DZANK1: variants seen among roughly 807,000 people sequenced by gnomAD.
DZANK1 encodes the protein double zinc ribbon and ankyrin repeat domains 1.
A neutral mutation model predicts 94.5 loss-of-function variants in DZANK1; 91 were observed. The ratio of observed to expected loss-of-function variants is 0.96; its 90% confidence interval spans 0.81 to 1.15. The LOEUF (loss-of-function observed/expected upper bound fraction) is 1.15. DZANK1 is among the 50% of genes most tolerant of loss of function. The pLI is 0.00. For synonymous variants in DZANK1, 312 were observed against 325.3 expected (o/e 0.96, Z 0.44); for missense variants, 903 against 916.4 (o/e 0.99, Z 0.19).
At chr20:18,424,819 A>C (rs933753201) in intron 10 of DZANK1, among the ~76,000 whole-genome samples, 1 of 152,230 alleles carries the variant, frequency 6.6e-6, no homozygotes, top group Non-Finnish European at 1.5e-5. Flanking sequence ...CCTGTGGATG[A>C]ATCAACCAGT....
intron 17 of DZANK1, among the ~76,000 whole-genome samples, chr20:18,391,081 C>T (rs1568872303): frequency 6.6e-6 from 1 of 152,138 alleles, no homozygotes; most frequent in Non-Finnish European, 1.5e-5. Flanking sequence ...ATCCCAGCTA[C>T]TTGGGAGGCT....
In DZANK1 at chr20:18,415,458, T is replaced by G. The variant is rs778562049; in HGVS notation, c.955-9A>C. 3 of 1,488,278 alleles carry G rather than the reference T, an allele frequency of 2.0e-6. No homozygotes were observed. The African/African-American group carries it at 4.3e-5, about 21-fold the overall frequency. The allele number at this position is 1,488,278 out of a possible 1,614,324, so 92.2% of individuals were successfully genotyped here. The stretch of plus-strand genomic sequence containing the variant: ...TCCCCACTGCACATCGACTGGTGAA[T>G]GAAATGGCATTTAAAGGCAGGATCA... On this transcript the variant is annotated splice_polypyrimidine_tract_variant and intron_variant, in intron 10 of 20. Transcript: ENST00000262547.
At chr20:18,383,612 A>G (rs762009790) in exon 21 of DZANK1, 2 of 152,164 alleles carry the variant, frequency 1.3e-5, no homozygotes, top group Non-Finnish European at 2.9e-5. Flanking sequence ...AGACATGTTT[A>G]TATGCTATGT....
intron 13 of DZANK1, among the ~76,000 whole-genome samples, chr20:18,402,694 C>G (rs995226046): frequency 3.3e-5 from 5 of 152,224 alleles, no homozygotes; most frequent in African/African-American, 1.2e-4. Flanking sequence ...TGCTCTAAAA[C>G]TTTTCAATAA....
chr20:18,454,018 G>T, intron 4 of DZANK1, 191 bp from the exon 5 acceptor site: 2 of 694,398 alleles, frequency 2.9e-6, no homozygotes, highest in Non-Finnish European at 5.4e-6. Context: ...TGCTCAGCTG[G>T]CAGCACATCT....
intron 7 of DZANK1, among the ~76,000 whole-genome samples, chr20:18,446,734 T>C (rs1026585042): frequency 1.3e-5 from 2 of 152,220 alleles, no homozygotes; most frequent in Admixed American, 6.5e-5. Context: ...GATCTAATCA[T>C]TTCACTTGTG....
At chr20:18,412,885 T>A in intron 12 of DZANK1, 32 bp from the exon 13 acceptor site, 1 of 1,553,696 alleles carries the variant, frequency 6.4e-7, no homozygotes. Flanking sequence ...TTTTTAAAAT[T>A]AGAATATAAT....
chr20:18,452,985 G>A (rs1481643793), intron 5 of DZANK1, among the ~76,000 whole-genome samples: 1 of 152,132 alleles, frequency 6.6e-6, no homozygotes, highest in African/African-American at 2.4e-5. Context: ...ACTTCAGGCT[G>A]GGAAAACAGA....
chr20:18,448,184 A>T (rs1420628020), intron 7 of DZANK1, among the ~76,000 whole-genome samples: 3 of 152,238 alleles, frequency 2.0e-5, no homozygotes, highest in African/African-American at 7.2e-5. Context: ...ATATCCATAC[A>T]ATGGACTGTA....
intron 10 of DZANK1, among the ~76,000 whole-genome samples, chr20:18,417,560 C>T (rs1018001540): frequency 5.3e-5 from 8 of 152,150 alleles, no homozygotes; most frequent in African/African-American, 1.9e-4. Flanking sequence ...TAATAGACAA[C>T]TCTCAACAAA....
chr20:18,395,653 C>T (rs902514630), intron 15 of DZANK1, among the ~76,000 whole-genome samples: 2 of 152,134 alleles, frequency 1.3e-5, no homozygotes, highest in African/African-American at 2.4e-5. Flanking sequence ...AATTCATTCT[C>T]CAGAGTTCCC....
chr20:18,455,603 G>A (rs1033407917), intron 3 of DZANK1, among the ~76,000 whole-genome samples: 70 of 152,160 alleles, frequency 4.6e-4, no homozygotes, highest in Admixed American at 4.4e-3. Flanking sequence ...GTGGATTCAC[G>A]GTCCCCACTG....
At chr20:18,452,590 C>T (rs1249035132) in intron 6 of DZANK1, 25 bp downstream of exon 6, 5 of 1,586,392 alleles carry the variant, frequency 3.2e-6, no homozygotes, top group Non-Finnish European at 3.4e-6. Context: ...ATTTGAATAC[C>T]CTAAAGATTG....
intron 6 of DZANK1, 42 bp from the exon 7 acceptor site, chr20:18,449,111 C>A: frequency 6.7e-7 from 1 of 1,499,878 alleles, no homozygotes; most frequent in South Asian, 1.1e-5. Context: ...GTCATATAGT[C>A]AAAATAACAT....
chr20:18,439,129 A>C (rs1387989671), intron 8 of DZANK1, among the ~76,000 whole-genome samples: 1 of 152,208 alleles, frequency 6.6e-6, no homozygotes, highest in East Asian at 1.9e-4. Context: ...TTACTGGGGG[A>C]CCACAGTGGT....
At chr20:18,413,622 A>G (rs1245498411) in intron 12 of DZANK1, among the ~76,000 whole-genome samples, 7 of 152,256 alleles carry the variant, frequency 4.6e-5, no homozygotes. Context: ...TCTACTAAAA[A>G]TACAAAAATT....
At chr20:18,390,286 C>CACAGT in intron 18 of DZANK1, 93 bp downstream of exon 18, 1 of 1,185,196 alleles carries the variant, frequency 8.4e-7, no homozygotes, top group Non-Finnish European at 1.3e-6. Flanking sequence ...GTGTAATTTT[C>CACAGT]ACAGTATTGA....
intron 13 of DZANK1, among the ~76,000 whole-genome samples, chr20:18,399,841 A>ACTGG (rs2056575330): frequency 1.3e-5 from 2 of 152,188 alleles, no homozygotes; most frequent in Non-Finnish European, 1.5e-5. Flanking sequence ...AGCCAGCCAC[A>ACTGG]GCCCCTGCTG....
intron 7 of DZANK1, among the ~76,000 whole-genome samples, 181 bp downstream of exon 7, chr20:18,448,803 G>GT (rs1388843645): frequency 6.6e-6 from 1 of 150,488 alleles, no homozygotes; most frequent in Non-Finnish European, 1.5e-5. Flanking sequence ...GGAGGCGGAG[G>GT]TTGCAGTGAG....
Sources: allele counts gnomAD v4.1 joint callset (sites outside exome capture counted in the v4.1 genomes callset), GRCh38; gene constraint gnomAD v4.1.1; transcripts MANE v1.5; gene names NCBI Gene and HGNC (gene_info 2026-07-23, HGNC 2026-07-21).